The following CCSER1 variants were observed in gnomAD, a reference collection of about 807,000 sequenced individuals.
CCSER1 encodes the protein serine-rich coiled-coil domain-containing protein 1.
In CCSER1, 41 loss-of-function variants were observed where a neutral mutation model predicts 82.0. The ratio of observed to expected loss-of-function variants is 0.50; its 90% CI spans 0.39 to 0.65. CCSER1 has a LOEUF of 0.65. Ranked by LOEUF, CCSER1 falls within the 30% of genes least tolerant of loss-of-function variation. CCSER1 has a pLI of 0.00. For missense variants in CCSER1, 1,119 were observed against 1,064.2 expected, an observed-to-expected ratio of 1.05 and a Z score of -0.72; for synonymous variants, 414 against 383.9, an observed-to-expected ratio of 1.08 and a Z score of -0.92.
At chr4:91,357,422 C>G (rs1748918891) in intron 10 of CCSER1, among the ~76,000 whole-genome samples, 1 of 152,108 alleles carries the variant, frequency 6.6e-6, no homozygotes, top group South Asian at 2.1e-4. Context: ...TGCATTTTTA[C>G]TTTAATGTCC....
At chr4:90,222,192 G>A (rs1742277050) in intron 1 of CCSER1, among the ~76,000 whole-genome samples, 1 of 152,054 alleles carries the variant, frequency 6.6e-6, no homozygotes, top group South Asian at 2.1e-4. Flanking sequence ...TATTTAGAAG[G>A]GGTCTTCCTG....
chr4:91,221,603 A>T (rs975539190), intron 10 of CCSER1, among the ~76,000 whole-genome samples: 7 of 152,198 alleles, frequency 4.6e-5, no homozygotes, highest in African/African-American at 1.7e-4. Flanking sequence ...TAATAAAATT[A>T]TAATAACTTC....
At chr4:91,412,345 C>T (rs1753103855) in intron 10 of CCSER1, among the ~76,000 whole-genome samples, 1 of 151,984 alleles carries the variant, frequency 6.6e-6, no homozygotes, top group African/African-American at 2.4e-5. Context: ...AGCTGTAAGA[C>T]ACAGCTCCAA....
At chr4:91,218,262 A>C (rs967589012) in intron 10 of CCSER1, among the ~76,000 whole-genome samples, 2 of 152,176 alleles carry the variant, frequency 1.3e-5, no homozygotes, top group East Asian at 3.9e-4. Context: ...GGCTGCTCCG[A>C]GAGCGGGGCC....
chr4:91,010,072 A>G (rs919367413), intron 9 of CCSER1, among the ~76,000 whole-genome samples: 11 of 152,282 alleles, frequency 7.2e-5, no homozygotes, highest in Admixed American at 1.3e-4. Flanking sequence ...AATTTCTTCT[A>G]GGGAAAATCT....
chr4:90,466,277 G>T (rs1763627048), intron 4 of CCSER1, among the ~76,000 whole-genome samples: 1 of 152,194 alleles, frequency 6.6e-6, no homozygotes, highest in Non-Finnish European at 1.5e-5. Context: ...AGAAATCAGA[G>T]ATATTTAAAG....
At chr4:90,499,352 A>G (rs1769492661) in intron 5 of CCSER1, among the ~76,000 whole-genome samples, 1 of 152,138 alleles carries the variant, frequency 6.6e-6, no homozygotes, top group Non-Finnish European at 1.5e-5. Context: ...TCATGTCTCT[A>G]TATATGAAAT....
intron 6 of CCSER1, among the ~76,000 whole-genome samples, chr4:90,645,816 C>T (rs1727475676): frequency 6.6e-6 from 1 of 152,114 alleles, no homozygotes; most frequent in Admixed American, 6.5e-5. Flanking sequence ...TCATTTGCTC[C>T]ACATTATTGA....
intron 1 of CCSER1, among the ~76,000 whole-genome samples, chr4:90,206,191 A>C (rs1738798044): frequency 6.6e-6 from 1 of 151,880 alleles, no homozygotes; most frequent in South Asian, 2.1e-4. Context: ...TTGTGTCTCC[A>C]TCTCCTTCAG....
At position 91,003,966 on chromosome 4, in the gene CCSER1, A is replaced by G. The variant is rs566662926; in HGVS notation, c.2172+80519A>G. The stretch of plus-strand genomic sequence containing the variant: ...TGTTTCAGCTCTAGGGAAGGTCAAA[A>G]TCTTCTTCCATGATCTAGACCTTCA... On this transcript the variant is annotated intron_variant, in intron 9 of 10. Coordinates refer to ENST00000509176, the MANE Select transcript of CCSER1 (RefSeq NM_001145065.2). Among the ~76,000 whole-genome samples, 19 of 152,222 alleles carry G rather than the reference A, an allele frequency of 1.2e-4. 1 individual carries two copies. The South Asian group carries it at 3.7e-3, about 30-fold the overall frequency.
intron 10 of CCSER1, among the ~76,000 whole-genome samples, chr4:91,136,432 A>T (rs1728475567): frequency 6.6e-6 from 1 of 152,030 alleles, no homozygotes; most frequent in Non-Finnish European, 1.5e-5. Flanking sequence ...GTTATCATCA[A>T]CCTGTGAGCA....
At chr4:90,555,869 C>T (rs558649435) in intron 5 of CCSER1, among the ~76,000 whole-genome samples, 71 of 152,064 alleles carry the variant, frequency 4.7e-4, no homozygotes, top group African/African-American at 1.6e-3. Context: ...ATAAAGACCA[C>T]CAGTAACACA....
intron 7 of CCSER1, among the ~76,000 whole-genome samples, chr4:90,756,193 A>G (rs879896808): frequency 2.6e-5 from 4 of 152,140 alleles, no homozygotes; most frequent in Non-Finnish European, 5.9e-5. Flanking sequence ...GTTCTACTGC[A>G]CTCCAGCCTG....
At chr4:90,158,859 G>A (rs550283642) in intron 1 of CCSER1, among the ~76,000 whole-genome samples, 22 of 152,156 alleles carry the variant, frequency 1.4e-4, no homozygotes, top group African/African-American at 5.1e-4. Context: ...CCCTGCTTCG[G>A]CTCGCGCAGG....
chr4:90,684,883 C>T (rs1027413722), intron 6 of CCSER1, among the ~76,000 whole-genome samples: 11 of 152,098 alleles, frequency 7.2e-5, no homozygotes, highest in East Asian at 1.9e-4. Flanking sequence ...CCATGTTAGG[C>T]GTGACTTGCT....
chr4:90,763,180 G>T (rs1750659959), intron 7 of CCSER1, among the ~76,000 whole-genome samples: 1 of 151,966 alleles, frequency 6.6e-6, no homozygotes, highest in African/African-American at 2.4e-5. Context: ...TTGTGAATTT[G>T]CATATTTTCA....
intron 7 of CCSER1, among the ~76,000 whole-genome samples, chr4:90,809,224 G>A (rs1232952317): frequency 8.6e-5 from 13 of 150,808 alleles, no homozygotes; most frequent in Non-Finnish European, 2.9e-5. Context: ...AGAGGCTGAG[G>A]CAGGAGGATC....
chr4:90,962,604 C>T (rs968709381), intron 9 of CCSER1, among the ~76,000 whole-genome samples: 1 of 151,944 alleles, frequency 6.6e-6, no homozygotes, highest in African/African-American at 2.4e-5. Flanking sequence ...AACCATATTA[C>T]ATGTGGAAAA....
Position 91,602,955 on chromosome 4 carries a change from G to A in CCSER1, c.*3898G>A, listed in dbSNP as rs1026677961. 6.6e-6 allele frequency among the ~76,000 whole-genome samples: 1 copy of A among 151,830 alleles called. No homozygotes were observed. The highest frequency in any genetic ancestry group is 2.4e-5 in the African/African-American group (1 of 41,366). On this transcript the variant is annotated 3_prime_UTR_variant, in exon 11 of 11. Coordinates refer to ENST00000509176, the MANE Select transcript of CCSER1 (RefSeq NM_001145065.2). The stretch of plus-strand genomic sequence containing the variant: ...TTTTCATATGCATATATATATTTTT[G>A]TATAAGAAGTATTTCAATCACATGT...
Sources: allele counts gnomAD v4.1 joint callset (sites outside exome capture counted in the v4.1 genomes callset), GRCh38; gene constraint gnomAD v4.1.1; transcripts MANE v1.5; gene names NCBI Gene and HGNC (gene_info 2026-07-23, HGNC 2026-07-21).